Variants in DNAH8 observed in about 807,000 individuals in gnomAD.
DNAH8 encodes the protein dynein axonemal heavy chain 8, also known as axonemal beta dynein heavy chain 8.
Under a neutral mutation model 562.1 loss-of-function variants are expected in DNAH8, and 382 were observed. The observed-to-expected ratio is 0.68, with a 90% CI of 0.63 to 0.74. The LOEUF is 0.74. Among genes scored for constraint, DNAH8 ranks in the 30% least tolerant of loss-of-function variants. The probability of loss-of-function intolerance (pLI) is 0.00; values close to 1 mark genes in which losing one functional copy is unlikely to be tolerated. For missense variants in DNAH8, 5,203 were observed against 5,620.4 expected (o/e 0.93, Z 2.37); for synonymous variants, 1,881 against 1,919.4 (o/e 0.98, Z 0.52).
In DNAH8 at chr6:38,837,962, G is replaced by T. The variant is rs1255966069; in HGVS notation, c.4386G>T (p.Trp1462Cys). The change falls in exon 33 of 93, where the codon TGG becomes TGT. Residue 1462 changes from tryptophan (W) to cysteine (C), a missense_variant. Physicochemically the swap from Trp to Cys is radical, Grantham distance 215. Transcript: ENST00000327475. ...QIFQASFDDL[W>C]RKFVTYSSGE... ...TACAGGCCAGTTTCGATGATCTGTG[G>T]AGGAAATTTGTTACGTATTCATCTG... The T allele has an allele frequency of 6.2e-7, 1 of 1,612,778 alleles. No individual in the cohort carries two copies. The highest frequency in any genetic ancestry group is 8.5e-7 in the Non-Finnish European group (1 of 1,179,308).
At chr6:38,918,618 G>T (rs572936822) in intron 70 of DNAH8, among the ~76,000 whole-genome samples, 1 of 152,292 alleles carries the variant, frequency 6.6e-6, no homozygotes, top group Non-Finnish European at 1.5e-5. Flanking sequence ...TCAAGATGTT[G>T]CAGATTTCCC....
At position 38,818,537 on chromosome 6, in the gene DNAH8, C is replaced by CAAAAAAAAAAAAAAAAAAAAAAAAA. The variant is rs70981590; in HGVS notation, c.3523+2896_3523+2897insAAAAAAAAAAAAAAAAAAAAAAAAA. 9.8e-4 allele frequency among the ~76,000 whole-genome samples: 74 copies of CAAAAAAAAAAAAAAAAAAAAAAAAA among 75,804 alleles called. 3 individuals carry two copies. Among genetic ancestry groups the CAAAAAAAAAAAAAAAAAAAAAAAAA allele is most frequent in the Middle Eastern group, 8.6e-3 (1 of 116 alleles). 49.7% of individuals were successfully genotyped at this position (75,804 alleles called of 152,430 possible). ...CAAAATAAGAAAGCAAAAGCAAAAG[C>CAAAAAAAAAAAAAAAAAAAAAAAAA]AAAAAAAAAAAAAAAAGAAGATATG... On this transcript the variant is annotated intron_variant, in intron 26 of 92. Coordinates refer to ENST00000327475, the MANE Select transcript of DNAH8 (RefSeq NM_001206927.2).
At chr6:38,829,377 T>C (rs1156580029) in intron 30 of DNAH8, among the ~76,000 whole-genome samples, 10 of 152,172 alleles carry the variant, frequency 6.6e-5, no homozygotes, top group Non-Finnish European at 1.5e-4. Context: ...GTTGTTGGTG[T>C]TTTTGGTATG....
chr6:38,915,484 G>A, intron 68 of DNAH8, 107 bp downstream of exon 68: 1 of 948,834 alleles, frequency 1.1e-6, no homozygotes, highest in South Asian at 3.7e-5. Flanking sequence ...TAATGTGATT[G>A]ATAATCTCTG....
intron 91 of DNAH8, among the ~76,000 whole-genome samples, chr6:39,016,706 T>C (rs1583574846): frequency 6.6e-6 from 1 of 152,170 alleles, no homozygotes; most frequent in Non-Finnish European, 1.5e-5. Context: ...TTTATTCACG[T>C]GTGATTGCTA....
At chr6:38,720,333 A>C (rs72856577) in intron 1 of DNAH8, among the ~76,000 whole-genome samples, 1 of 151,968 alleles carries the variant, frequency 6.6e-6, no homozygotes, top group Non-Finnish European at 1.5e-5. Flanking sequence ...ACTTGGCCAA[A>C]GAAGACACCA....
intron 26 of DNAH8, among the ~76,000 whole-genome samples, chr6:38,818,734 T>A (rs1772540274): frequency 6.6e-6 from 1 of 152,202 alleles, no homozygotes; most frequent in African/African-American, 2.4e-5. Flanking sequence ...TGCCGTTATA[T>A]ATACTGTCTT....
At chr6:38,961,601 A>G (rs1042872959) in intron 82 of DNAH8, among the ~76,000 whole-genome samples, 3 of 152,070 alleles carry the variant, frequency 2.0e-5, no homozygotes, top group South Asian at 2.1e-4. Context: ...TCCTTAAGCT[A>G]TCATACTGTT....
Position 38,921,520 on chromosome 6 carries a change from TA to T in DNAH8, c.10662+20del. ...AATGAGAAAATGGTGAGATTAAACA[TA>T]AAAAATCCCCAAAATGGTGTACTGA... On this transcript the variant is annotated intron_variant, in intron 71 of 92. Coordinates refer to ENST00000327475, the MANE Select transcript of DNAH8 (RefSeq NM_001206927.2). 2 of 1,607,958 alleles carry T rather than the reference TA, an allele frequency of 1.2e-6. No homozygotes were observed. The highest frequency in any genetic ancestry group is 1.7e-6 in the Non-Finnish European group (2 of 1,177,510).
At chr6:38,881,973 T>C (rs1182507971) in intron 53 of DNAH8, among the ~76,000 whole-genome samples, 2 of 152,168 alleles carry the variant, frequency 1.3e-5, no homozygotes, top group African/African-American at 4.8e-5. Context: ...TTACTGGTTT[T>C]ACCACCGGCT....
intron 82 of DNAH8, among the ~76,000 whole-genome samples, chr6:38,959,801 T>C (rs1475779764): frequency 6.6e-6 from 1 of 151,446 alleles, no homozygotes; most frequent in Non-Finnish European, 1.5e-5. Context: ...AAATCCCAAA[T>C]AGCTAAAGCA....
chr6:38,931,741 T>G, intron 75 of DNAH8, 70 bp from the exon 76 acceptor site: 1 of 1,046,356 alleles, frequency 9.6e-7, no homozygotes, highest in Non-Finnish European at 1.4e-6. Context: ...TAAATTCTTT[T>G]CTAAATTGAA....
Position 38,795,566 on chromosome 6 carries a change from C to T in DNAH8, c.2901+3892C>T, listed in dbSNP as rs554371926. 3.6e-3 allele frequency among the ~76,000 whole-genome samples: 506 copies of T among 140,728 alleles called. 7 individuals are homozygous for T. The highest frequency in any genetic ancestry group is 5.2e-3 in the Non-Finnish European group (341 of 65,280). 92.3% of individuals were successfully genotyped at this position (140,728 alleles called of 152,430 possible). On this transcript the variant is annotated intron_variant, in intron 21 of 92. Coordinates refer to ENST00000327475, the MANE Select transcript of DNAH8 (RefSeq NM_001206927.2). ...CTGCACTCCAGCCTGGGCGACAGAGCGAGACTGTGTCTCAGAAAAAAAAAA... is the reference window on the plus strand; with the variant it reads ...CTGCACTCCAGCCTGGGCGACAGAGTGAGACTGTGTCTCAGAAAAAAAAAA...
At chr6:38,715,954 A>ATTTTTTTTTTT (rs1410399802) in intron 1 of DNAH8, among the ~76,000 whole-genome samples, 2 of 37,526 alleles carry the variant, frequency 5.3e-5, no homozygotes, top group South Asian at 9.4e-4. Flanking sequence ...ATATATATAT[A>ATTTTTTTTTTT]TATATATTTT....
chr6:38,938,072 G>A lies in DNAH8; in HGVS notation c.11662G>A (p.Glu3888Lys), dbSNP rs754724947. Residue 3888 changes from glutamate to lysine, a missense_variant, in exon 78 of 93, where the codon GAG (glutamate) becomes AAG (lysine). Coordinates refer to ENST00000327475, the MANE Select transcript of DNAH8 (RefSeq NM_001206927.2). ...SEKLHVAAETEIKINAAQEEF... is the reference protein window; with the variant it reads ...SEKLHVAAETKIKINAAQEEF... The stretch of plus-strand genomic sequence containing the variant: ...AAAGTTGCATGTGGCTGCAGAAACT[G>A]AGATCAAGATCAACGCGGCTCAGGA... 2 of 1,614,048 alleles carry A rather than the reference G, an allele frequency of 1.2e-6. No individual in the cohort carries two copies. The highest frequency in any genetic ancestry group is 2.2e-5 in the South Asian group (2 of 91,070).
chr6:38,721,513 AAG>A (rs58302350), intron 1 of DNAH8, among the ~76,000 whole-genome samples: 11 of 147,216 alleles, frequency 7.5e-5, no homozygotes, highest in Non-Finnish European at 1.3e-4. Context: ...ACAAAAGAGA[AAG>A]AGAGAGAGAG....
chr6:38,887,480 G>A (rs1433180497), intron 57 of DNAH8, among the ~76,000 whole-genome samples: 1 of 152,224 alleles, frequency 6.6e-6, no homozygotes, highest in Non-Finnish European at 1.5e-5. Context: ...ACCAAGGTGA[G>A]AGAATTGCTG....
chr6:38,982,451 G>A lies in DNAH8; in HGVS notation c.12940G>A (p.Asp4314Asn), dbSNP rs761567737. Residue 4314 changes from aspartate (D) to asparagine (N), a missense_variant, in exon 86 of 93, where the codon GAT becomes AAT. Around this residue, in one of 6 missense-constraint regions of DNAH8, gnomAD observed 1,399 missense variants for 1,518.4 expected, o/e 0.92. Transcript: ENST00000327475. ...QFIQNHLDEC[D>N]IKKGVSWNTV... The stretch of plus-strand genomic sequence containing the variant: ...TATTCAGAATCACCTTGATGAATGC[G>A]ATATTAAGAAAGTGAGTGAAATTAT... 7.3e-6 allele frequency: 11 copies of A among 1,510,574 alleles called. No individual in the cohort carries two copies. In the Admixed American group the frequency reaches 1.0e-4, roughly 14 times the overall value. The allele number at this position is 1,510,574 out of a possible 1,614,324, so 93.6% of individuals were successfully genotyped here.
chr6:38,826,097 C>T (rs1773294050), intron 28 of DNAH8, 59 bp from the exon 29 acceptor site: 6 of 1,150,348 alleles, frequency 5.2e-6, no homozygotes, highest in Non-Finnish European at 7.4e-6. Context: ...ATTATAGATG[C>T]CCTTATAGTT....
Sources: gnomAD v4.1 joint callset for allele counts (sites outside exome capture counted in the v4.1 genomes callset) on GRCh38, gnomAD v4.1.1 for gene constraint, gnomAD v4.1.1 regional missense constraint, MANE v1.5 for transcripts, NCBI Gene and HGNC (gene_info 2026-07-23, HGNC 2026-07-21) for gene names.